The following MLIP variants were observed in gnomAD, a reference collection of about 807,000 sequenced individuals.
MLIP encodes the protein muscular LMNA-interacting protein.
In MLIP, 79 loss-of-function variants were observed where a neutral mutation model predicts 84.8. That is an observed-to-expected ratio of 0.93 (90% CI 0.78 to 1.12). The LOEUF is 1.12. Among genes scored for constraint, MLIP ranks in the 50% most tolerant of loss-of-function variants. The pLI is 0.00. For synonymous variants in MLIP, 504 were observed against 463.0 expected (o/e 1.09, Z -1.14); for missense variants, 1,257 against 1,160.6 (o/e 1.08, Z -1.21).
chr6:54,083,553 T>C, intron 1 of MLIP: 1 of 1,535,988 alleles, frequency 6.5e-7, no homozygotes, highest in Non-Finnish European at 8.7e-7. Flanking sequence ...TTTCTTGACA[T>C]CTGCTAGTTT....
intron 12 of MLIP, among the ~76,000 whole-genome samples, chr6:54,239,967 C>T (rs899714108): frequency 2.6e-5 from 4 of 152,082 alleles, no homozygotes; most frequent in Non-Finnish European, 4.4e-5. Context: ...CATAAAGTCA[C>T]TCTACTTATA....
intron 10 of MLIP, among the ~76,000 whole-genome samples, chr6:54,193,930 CCTGGTCTTCTT>C (rs1282189338): frequency 1.3e-5 from 2 of 152,060 alleles, no homozygotes; most frequent in African/African-American, 4.8e-5. Flanking sequence ...GTAGCTAAAC[CCTGGTCTTCTT>C]TGGCAGTAGG....
intron 11 of MLIP, among the ~76,000 whole-genome samples, chr6:54,221,431 GAC>G: frequency 6.6e-6 from 1 of 152,156 alleles, no homozygotes; most frequent in African/African-American, 2.4e-5. Context: ...GTTGAAAAGT[GAC>G]AGAGTATTCC....
At chr6:54,264,590 A>ATT (rs1783582049) in intron 13 of MLIP, among the ~76,000 whole-genome samples, 1 of 152,132 alleles carries the variant, frequency 6.6e-6, no homozygotes, top group African/African-American at 2.4e-5. Context: ...CTTAAAAAGT[A>ATT]TTAGCCAAAT....
chr6:54,160,602 A>G lies in MLIP; in HGVS notation c.2439+3A>G, dbSNP rs371695494. On this transcript the variant is annotated splice_donor_region_variant and intron_variant, in intron 7 of 13. Transcript: ENST00000502396. ...TCTTACAGGATTCCTTGTCTATGGT[A>G]ATGCTTTAGACTAGAATGTGCAATT... 192 of 1,606,970 alleles carry G rather than the reference A, an allele frequency of 1.2e-4. No homozygotes were observed. Among genetic ancestry groups the G allele is most frequent in the Non-Finnish European group, 1.6e-4 (186 of 1,174,802 alleles).
intron 1 of MLIP, among the ~76,000 whole-genome samples, chr6:54,100,139 G>A (rs1482812488): frequency 1.3e-5 from 2 of 152,084 alleles, no homozygotes; most frequent in Non-Finnish European, 2.9e-5. Context: ...ATCACATGGT[G>A]CTCATCATGT....
chr6:54,169,457 A>G (rs1350394000), intron 8 of MLIP, 71 bp from the exon 9 acceptor site: 3 of 1,027,976 alleles, frequency 2.9e-6, no homozygotes, highest in African/African-American at 1.7e-5. Flanking sequence ...AGGTGAACAC[A>G]TTCCAGAAGT....
At chr6:54,062,175 A>G (rs1766002179) in intron 1 of MLIP, among the ~76,000 whole-genome samples, 1 of 152,164 alleles carries the variant, frequency 6.6e-6, no homozygotes, top group Non-Finnish European at 1.5e-5. Flanking sequence ...TTTGTTTTCT[A>G]TATTAACAGT....
chr6:54,140,874 A>G (rs1385843280), intron 4 of MLIP, among the ~76,000 whole-genome samples: 1 of 152,184 alleles, frequency 6.6e-6, no homozygotes, highest in Non-Finnish European at 1.5e-5. Flanking sequence ...AAGAATTTAT[A>G]TGCTTTCATG....
At chr6:54,262,074 G>C (rs1258748743) in intron 13 of MLIP, among the ~76,000 whole-genome samples, 2 of 151,906 alleles carry the variant, frequency 1.3e-5, no homozygotes, top group Admixed American at 6.6e-5. Context: ...GGTGAGCAGG[G>C]AAATAATAAA....
chr6:54,109,913 C>CTTTT (rs1282773112), upstream of MLIP, among the ~76,000 whole-genome samples: 1 of 126,384 alleles, frequency 7.9e-6, no homozygotes, highest in African/African-American at 2.9e-5. Context: ...CTTTCTTTTT[C>CTTTT]TTTCTTTCTT....
At chr6:54,130,993 C>T (rs542252131) in intron 3 of MLIP, among the ~76,000 whole-genome samples, 3 of 152,142 alleles carry the variant, frequency 2.0e-5, no homozygotes, top group Non-Finnish European at 2.9e-5. Context: ...AAAAGGTAAG[C>T]GATTCAAGTG....
chr6:54,158,198 G>T (rs1365207384), intron 5 of MLIP, among the ~76,000 whole-genome samples: 1 of 152,016 alleles, frequency 6.6e-6, no homozygotes, highest in Admixed American at 6.6e-5. Context: ...TTCACAGGTG[G>T]CATAACACCT....
intron 1 of MLIP, among the ~76,000 whole-genome samples, chr6:54,025,096 G>A (rs941162945): frequency 2.0e-5 from 3 of 150,928 alleles, no homozygotes; most frequent in Non-Finnish European, 4.4e-5. Flanking sequence ...CACTCTGCCC[G>A]CCTCGGCCTC....
At chr6:54,153,897 C>G (rs771446299) in intron 5 of MLIP, among the ~76,000 whole-genome samples, 1 of 148,650 alleles carries the variant, frequency 6.7e-6, no homozygotes, top group Non-Finnish European at 1.5e-5. Flanking sequence ...TTTAACAAAA[C>G]CTTATTGCTA....
chr6:54,261,626 G>A, intron 13 of MLIP: 2 of 984,948 alleles, frequency 2.0e-6, no homozygotes, highest in Non-Finnish European at 2.4e-6. Flanking sequence ...ATTTTATTTT[G>A]AATTTCAGAA....
chr6:54,250,896 A>G (rs1582627266), intron 12 of MLIP, among the ~76,000 whole-genome samples: 1 of 152,158 alleles, frequency 6.6e-6, no homozygotes, highest in East Asian at 1.9e-4. Flanking sequence ...AACCCTGATA[A>G]GACTCAATAC....
At chr6:54,099,131 AGTT>A (rs1768447065) in intron 1 of MLIP, among the ~76,000 whole-genome samples, 1 of 152,222 alleles carries the variant, frequency 6.6e-6, no homozygotes, top group Non-Finnish European at 1.5e-5. Flanking sequence ...TACCAAAAAA[AGTT>A]GTTTTGAGAA....
chr6:54,186,119 A>C (rs1777365322), intron 9 of MLIP, among the ~76,000 whole-genome samples: 1 of 152,196 alleles, frequency 6.6e-6, no homozygotes, highest in African/African-American at 2.4e-5. Flanking sequence ...AAGCCTCATC[A>C]TTGTTTGGTG....
Sources: allele counts gnomAD v4.1 joint callset (sites outside exome capture counted in the v4.1 genomes callset), GRCh38; gene constraint gnomAD v4.1.1; transcripts MANE v1.5; gene names NCBI Gene and HGNC (gene_info 2026-07-23, HGNC 2026-07-21).